Variants in FSIP2 observed in about 807,000 individuals in gnomAD.
FSIP2 encodes fibrous sheath interacting protein 2.
Under a neutral mutation model 510.5 loss-of-function variants are expected in FSIP2, and 367 were observed. The ratio of observed to expected loss-of-function variants is 0.72; its 90% CI spans 0.66 to 0.78. FSIP2 has a LOEUF of 0.78. FSIP2 is among the 30% of genes least tolerant of loss of function. The probability of loss-of-function intolerance (pLI) is 0.00; values close to 1 mark genes in which losing one functional copy is unlikely to be tolerated. For missense variants in FSIP2, 7,594 were observed against 7,901.7 expected (o/e 0.96, Z 1.48); for synonymous variants, 2,601 against 2,732.2 (o/e 0.95, Z 1.50).
chr2:185,752,354 ATTT>A (rs1045238191), intron 7 of FSIP2, among the ~76,000 whole-genome samples: 1 of 150,670 alleles, frequency 6.6e-6, no homozygotes, highest in South Asian at 2.1e-4. Context: ...AAACTTTAAA[ATTT>A]TTCTTTTTAT....
rs1455560106 is a variant in FSIP2, at chr2:185,800,364, C to T, written c.11058C>T (p.Asn3686=). 1.3e-6 allele frequency: 2 copies of T among 1,527,582 alleles called. No individual in the cohort carries two copies. The highest frequency in any genetic ancestry group is 4.9e-5 in the East Asian group (2 of 40,796). 94.6% of individuals were successfully genotyped at this position (1,527,582 alleles called of 1,614,324 possible). Residue 3686 remains asparagine (N), a synonymous_variant, in exon 17 of 23, where the codon AAC becomes AAT. Coordinates refer to ENST00000424728, the MANE Select transcript of FSIP2 (RefSeq NM_173651.4). ...LACKLNSLVG[N]LKTSESKEVV... is the part of the protein sequence containing the mutation. ...GTAAGTTAAACAGCCTGGTTGGTAA[C>T]CTAAAAACAAGTGAATCCAAAGAAG...
rs1559036754 is a variant in FSIP2 at position 185,809,027 on chromosome 2, T to C, written c.19721T>C (p.Ile6574Thr). Reference sequence around the variant, plus strand: ...ATAGCAGAACTGAGAAGAGCATCAATAAGTGGGAGAAATTACTCCTTAGGA... The same window carrying C: ...ATAGCAGAACTGAGAAGAGCATCAACAAGTGGGAGAAATTACTCCTTAGGA... ...HSIAELRRAS[I>T]SGRNYSLGSP... The change falls in exon 17 of 23, where the codon ATA becomes ACA. Residue 6574 changes from isoleucine (I) to threonine (T), a missense_variant. Transcript: ENST00000424728. The C allele has an allele frequency of 4.3e-6, 7 of 1,612,604 alleles. No individual in the cohort carries two copies. The highest frequency in any genetic ancestry group is 1.1e-5 in the South Asian group (1 of 90,920).
intron 21 of FSIP2, among the ~76,000 whole-genome samples, chr2:185,831,585 CAA>C (rs1694109831): frequency 6.6e-6 from 1 of 151,876 alleles, no homozygotes; most frequent in South Asian, 2.1e-4. Context: ...TAGTGCTAGC[CAA>C]AGTCTGCATT....
At chr2:185,818,087 C>T (rs1393012597) in intron 19 of FSIP2, among the ~76,000 whole-genome samples, 1 of 151,800 alleles carries the variant, frequency 6.6e-6, no homozygotes, top group Non-Finnish European at 1.5e-5. Context: ...ATGCCTGTAT[C>T]AAAACATCAC....
At position 185,801,573 on chromosome 2, in the gene FSIP2, C is replaced by T. The variant is rs991159142; in HGVS notation, c.12267C>T (p.Asp4089=). The T allele has an allele frequency of 5.9e-6, 9 of 1,534,090 alleles. No individual in the cohort carries two copies. The highest frequency in any genetic ancestry group is 1.4e-5 in the African/African-American group (1 of 72,986). ...ATGGCATATTGTTAGAGATTTTAGA[C>T]TACAAACTGCCATCTTGCTTCAAGG... ...ITNGILLEIL[D]YKLPSCFKEH... The change falls in exon 17 of 23, where the codon GAC becomes GAT. Residue 4089 remains aspartate (D), a synonymous_variant. Coordinates refer to ENST00000424728, the MANE Select transcript of FSIP2 (RefSeq NM_173651.4).
rs1693571143 is a variant in FSIP2, at chr2:185,806,181, G to A, written c.16875G>A (p.Lys5625=). The change falls in exon 17 of 23, where the codon AAG becomes AAA. Residue 5625 remains lysine, a synonymous_variant. Coordinates refer to ENST00000424728, the MANE Select transcript of FSIP2 (RefSeq NM_173651.4). ...ARESSFKKDD[K]LFQLSSLKSK... is the part of the protein sequence containing the mutation. ...AAAGCTCATTTAAAAAAGATGACAA[G>A]CTCTTTCAGTTATCCTCCTTGAAGT... 2.5e-6 allele frequency: 4 copies of A among 1,586,880 alleles called. No individual in the cohort carries two copies. The highest frequency in any genetic ancestry group is 2.6e-6 in the Non-Finnish European group (3 of 1,171,762).
chr2:185,767,867 G>T lies in FSIP2; in HGVS notation c.1411+3302G>T, dbSNP rs547098965. Among the ~76,000 whole-genome samples, 3 of 152,184 alleles carry T rather than the reference G, an allele frequency of 2.0e-5. No homozygotes were observed. The South Asian group carries it at 6.2e-4, about 32-fold the overall frequency. On this transcript the variant is annotated intron_variant, in intron 13 of 22. Transcript: ENST00000424728. ...TACTGAAAACATAACGAAAACATAT[G>T]ATTTCATTTCCTTTGGATATGTACC... is the stretch of plus-strand genomic sequence containing the variant.
chr2:185,790,346 T>C lies in FSIP2; in HGVS notation c.3210T>C (p.Thr1070=). The change falls in exon 16 of 23, where the codon ACT becomes ACC. Residue 1070 remains threonine, a synonymous_variant. Transcript: ENST00000424728. ...KAAFHDWELK[T]EPPSTNHEDI... ...CATTTCATGATTGGGAATTAAAGAC[T>C]GAGCCACCATCTACTAATCATGAAG... 1.3e-6 allele frequency: 2 copies of C among 1,533,234 alleles called. No homozygotes were observed. The highest frequency in any genetic ancestry group is 2.4e-5 in the South Asian group (2 of 83,702). 95.0% of individuals were successfully genotyped at this position (1,533,234 alleles called of 1,614,324 possible). A position where few individuals can be genotyped will look rare whatever the true frequency, so the allele number is the denominator to read the frequency against.
At chr2:185,749,787 G>A (rs1178159031) in intron 7 of FSIP2, among the ~76,000 whole-genome samples, 1 of 151,536 alleles carries the variant, frequency 6.6e-6, no homozygotes, top group Non-Finnish European at 1.5e-5. Context: ...TTTAGGGTTA[G>A]GTATGGGTTT....
At position 185,804,701 on chromosome 2, in the gene FSIP2, C is replaced by T. The variant is rs1301745737; in HGVS notation, c.15395C>T (p.Ser5132Leu). 2 of 1,530,996 alleles carry T rather than the reference C, an allele frequency of 1.3e-6. No individual in the cohort carries two copies. The highest frequency in any genetic ancestry group is 2.0e-5 in the Admixed American group (1 of 50,362). 94.8% of individuals were successfully genotyped at this position (1,530,996 alleles called of 1,614,324 possible). ...AGGCTTCTAGGGCATGTCTTCCCTT[C>T]AACTCACACTGAAAATGAACTAAAA... ...VYRLLGHVFP[S>L]THTENELKEK... is the part of the protein sequence containing the mutation. The change falls in exon 17 of 23, where the codon TCA (serine) becomes TTA (leucine). Residue 5132 changes from serine to leucine, a missense_variant. Ser to Leu is a moderately radical substitution (Grantham distance 145). Transcript: ENST00000424728.
chr2:185,803,407 G>T lies in FSIP2; in HGVS notation c.14101G>T (p.Val4701Leu), dbSNP rs1451942972. Residue 4701 changes from valine to leucine, a missense_variant, in exon 17 of 23, where the codon GTG (valine) becomes TTG (leucine). By Grantham distance (32) the Val-to-Leu change is conservative. Coordinates refer to ENST00000424728, the MANE Select transcript of FSIP2 (RefSeq NM_173651.4). ...RDVVKTIVDMVYSKVLQEYEM... is the reference protein window; with the variant it reads ...RDVVKTIVDMLYSKVLQEYEM... ...TGTAGTCAAAACAATTGTTGACATGGTGTACAGCAAAGTTTTGCAAGAATA... is the reference window on the plus strand; with the variant it reads ...TGTAGTCAAAACAATTGTTGACATGTTGTACAGCAAAGTTTTGCAAGAATA... The T allele has an allele frequency of 7.8e-6, 12 of 1,532,836 alleles. No homozygotes were observed. The highest frequency in any genetic ancestry group is 9.6e-6 in the Non-Finnish European group (11 of 1,144,812). The allele number at this position is 1,532,836 out of a possible 1,614,324, so 95.0% of individuals were successfully genotyped here.
chr2:185,758,683 C>T (rs1353795815), intron 9 of FSIP2, among the ~76,000 whole-genome samples: 3 of 151,044 alleles, frequency 2.0e-5, no homozygotes, highest in Non-Finnish European at 4.5e-5. Context: ...TCTTTGATAT[C>T]TTCCTTGCTA....
Position 185,795,692 on chromosome 2 carries a change from A to C in FSIP2, c.8556A>C (p.Glu2852Asp). Residue 2852 changes from glutamate to aspartate, a missense_variant, in exon 16 of 23, where the codon GAA becomes GAC. By Grantham distance (45) the Glu-to-Asp change is conservative. Coordinates refer to ENST00000424728, the MANE Select transcript of FSIP2 (RefSeq NM_173651.4). The stretch of plus-strand genomic sequence containing the variant: ...GGCAAACAGAATCAAATGACAAGGA[A>C]AATGAAAAATGTAAGCTATTGATGA... The part of the protein sequence containing the change: ...DKWQTESNDK[E>D]NEKCKLLMIA... 1 of 1,532,416 alleles carries C rather than the reference A, an allele frequency of 6.5e-7. No individual in the cohort carries two copies. The highest frequency in any genetic ancestry group is 8.7e-7 in the Non-Finnish European group (1 of 1,144,790). The allele number at this position is 1,532,416 out of a possible 1,614,324, so 94.9% of individuals were successfully genotyped here.
chr2:185,773,156 C>T (rs1424880848), intron 13 of FSIP2, among the ~76,000 whole-genome samples: 1 of 152,164 alleles, frequency 6.6e-6, no homozygotes, highest in African/African-American at 2.4e-5. Context: ...TCCAACACGC[C>T]AGGCCCAGAG....
In FSIP2 at chr2:185,803,185, A is replaced by G. The variant is rs1693481950; in HGVS notation, c.13879A>G (p.Ile4627Val). 1 of 1,532,560 alleles carries G rather than the reference A, an allele frequency of 6.5e-7. No individual in the cohort carries two copies. Among genetic ancestry groups the G allele is most frequent in the Non-Finnish European group, 8.7e-7 (1 of 1,144,836 alleles). 94.9% of individuals were successfully genotyped at this position (1,532,560 alleles called of 1,614,324 possible). ...CTCTTCAACATTCTTGGAAGATGTA[A>G]TCTCTGGGGTTTTAAGAAAAATATT... ...VYSSTFLEDV[I>V]SGVLRKIFHR... The change falls in exon 17 of 23, where the codon ATC (isoleucine) becomes GTC (valine). Residue 4627 changes from isoleucine (I) to valine (V), a missense_variant. Ile to Val is a conservative substitution (Grantham distance 29). Coordinates refer to ENST00000424728, the MANE Select transcript of FSIP2 (RefSeq NM_173651.4).
chr2:185,782,497 T>TCA (rs1190516917), intron 13 of FSIP2, among the ~76,000 whole-genome samples: 5 of 152,136 alleles, frequency 3.3e-5, no homozygotes, highest in African/African-American at 1.2e-4. Context: ...GAAAGACTAG[T>TCA]CAGAGAAGAC....
upstream of FSIP2, chr2:185,738,570 C>A: frequency 1.3e-6 from 2 of 1,526,906 alleles, no homozygotes; most frequent in East Asian, 2.4e-5. Context: ...AGTTACCCAC[C>A]AACAAAGCTT....
chr2:185,801,789 T>C lies in FSIP2; in HGVS notation c.12483T>C (p.Cys4161=). ...AGCTAATTCCTCCACCCATTACATG[T>C]TCCTCTTTAGGAAAAAAATATTTAA... is the stretch of plus-strand genomic sequence containing the variant. ...LSQLIPPPIT[C]SSLGKKYLMS... is the part of the protein sequence containing the mutation. Residue 4161 remains cysteine (C), a synonymous_variant, in exon 17 of 23, where the codon TGT becomes TGC. Coordinates refer to ENST00000424728, the MANE Select transcript of FSIP2 (RefSeq NM_173651.4). The C allele has an allele frequency of 3.3e-6, 5 of 1,500,046 alleles. No individual in the cohort carries two copies. Among genetic ancestry groups the C allele is most frequent in the Non-Finnish European group, 4.4e-6 (5 of 1,130,184 alleles). 92.9% of individuals were successfully genotyped at this position (1,500,046 alleles called of 1,614,324 possible). A position where few individuals can be genotyped will look rare whatever the true frequency, so the allele number is the denominator to read the frequency against.
Position 185,800,909 on chromosome 2 carries a change from T to C in FSIP2, c.11603T>C (p.Phe3868Ser). The part of the protein sequence containing the change: ...SIQQAPESLP[F>S]ANKHLNYRTR... Reference sequence around the variant, plus strand: ...CAACAAGCTCCGGAAAGTCTACCTTTTGCAAATAAGCATTTGAACTACAGA... The same window carrying C: ...CAACAAGCTCCGGAAAGTCTACCTTCTGCAAATAAGCATTTGAACTACAGA... The change falls in exon 17 of 23, where the codon TTT (phenylalanine) becomes TCT (serine). Residue 3868 changes from phenylalanine (F) to serine (S), a missense_variant. By Grantham distance (155) the Phe-to-Ser change is radical. Transcript: ENST00000424728. 1 of 1,532,920 alleles carries C rather than the reference T, an allele frequency of 6.5e-7. No homozygotes were observed. Among genetic ancestry groups the C allele is most frequent in the African/African-American group, 1.4e-5 (1 of 72,932 alleles). 95.0% of individuals were successfully genotyped at this position (1,532,920 alleles called of 1,614,324 possible).
Sources: allele counts gnomAD v4.1 joint callset (sites outside exome capture counted in the v4.1 genomes callset), GRCh38; gene constraint gnomAD v4.1.1; transcripts MANE v1.5; gene names NCBI Gene and HGNC (gene_info 2026-07-23, HGNC 2026-07-21).